COMMD10: variants seen among roughly 807,000 people sequenced by gnomAD.
The protein encoded by COMMD10 is COMM domain-containing protein 10.
COMMD10 carries 33 observed loss-of-function variants against 28.9 expected under a neutral mutation model. That is an observed-to-expected ratio of 1.14 (90% confidence interval 0.87 to 1.53). COMMD10 has a LOEUF of 1.53. COMMD10 is among the 40% of genes most tolerant of loss of function. The probability of loss-of-function intolerance (pLI) is 0.00; values close to 1 mark genes in which losing one functional copy is unlikely to be tolerated. For synonymous variants in COMMD10, 110 were observed against 81.7 expected (o/e 1.35, Z -1.87); for missense variants, 310 against 233.4 (o/e 1.33, Z -2.14).
At chr5:116,109,366 C>T (rs1265475103) in intron 4 of COMMD10, among the ~76,000 whole-genome samples, 1 of 152,136 alleles carries the variant, frequency 6.6e-6, no homozygotes, top group African/African-American at 2.4e-5. Context: ...GGTGGATCAC[C>T]ACTCCTGGGT....
intron 4 of COMMD10, among the ~76,000 whole-genome samples, chr5:116,097,469 G>A (rs1476013003): frequency 6.6e-6 from 1 of 152,150 alleles, no homozygotes; most frequent in Non-Finnish European, 1.5e-5. Context: ...AAGTGGCTGA[G>A]TTGGGATTTG....
rs371110549 is a variant in COMMD10 at position 116,212,042 on chromosome 5, C to T, written c.510+77864C>T. On this transcript the variant is annotated intron_variant, in intron 5 of 6. Coordinates refer to ENST00000274458, the MANE Select transcript of COMMD10 (RefSeq NM_016144.4). ...TATATGTAAACTACTTGCCATGGTG[C>T]CCTGTACACATCATACACAGTAAAC... Among the ~76,000 whole-genome samples, 7 of 152,160 alleles carry T rather than the reference C, an allele frequency of 4.6e-5. No individual in the cohort carries two copies. In the East Asian group the frequency reaches 5.8e-4, roughly 13 times the overall value.
chr5:116,243,020 A>C (rs1396873737), intron 5 of COMMD10, among the ~76,000 whole-genome samples: 2 of 152,132 alleles, frequency 1.3e-5, no homozygotes, highest in Non-Finnish European at 2.9e-5. Context: ...GTTTCCTTTG[A>C]TCCTGTTTTT....
At chr5:116,152,006 T>G (rs1429398697) in intron 5 of COMMD10, among the ~76,000 whole-genome samples, 1 of 152,206 alleles carries the variant, frequency 6.6e-6, no homozygotes, top group Non-Finnish European at 1.5e-5. Context: ...TGCTATAAAT[T>G]TCCCTCTACA....
At position 116,091,174 on chromosome 5, in the gene COMMD10, A is replaced by G; in HGVS notation, c.228A>G (p.Ser76=). ...QDLHLVLETI[S]FILEQAVYHN... is the part of the protein sequence containing the mutation. ...TTCACCTAGTTCTTGAAACAATATC[A>G]TTTATTTTAGAACAGGTATTTTTAT... is the stretch of plus-strand genomic sequence containing the variant. The change falls in exon 3 of 7, where the codon TCA becomes TCG. Residue 76 remains serine (S), a synonymous_variant. Coordinates refer to ENST00000274458, the MANE Select transcript of COMMD10 (RefSeq NM_016144.4). 1.3e-6 allele frequency: 2 copies of G among 1,594,044 alleles called. No homozygotes were observed. The highest frequency in any genetic ancestry group is 1.7e-6 in the Non-Finnish European group (2 of 1,164,618).
At chr5:116,121,958 T>G (rs1751449373) in intron 4 of COMMD10, among the ~76,000 whole-genome samples, 1 of 152,244 alleles carries the variant, frequency 6.6e-6, no homozygotes, top group Non-Finnish European at 1.5e-5. Flanking sequence ...TGGTAGTTTC[T>G]TTTGTCATGC....
At chr5:116,258,405 G>A (rs1341699464) in intron 5 of COMMD10, among the ~76,000 whole-genome samples, 1 of 150,782 alleles carries the variant, frequency 6.6e-6, no homozygotes, top group African/African-American at 2.5e-5. Context: ...CTACTTTTTG[G>A]ACACTACTAT....
intron 2 of COMMD10, among the ~76,000 whole-genome samples, chr5:116,089,953 C>T (rs144085466): frequency 3.0e-4 from 46 of 152,308 alleles, no homozygotes; most frequent in African/African-American, 1.1e-3. Context: ...CCGACTCCAT[C>T]GAGTTGGCCT....
intron 5 of COMMD10, among the ~76,000 whole-genome samples, chr5:116,153,508 A>G (rs952314946): frequency 6.6e-6 from 1 of 152,134 alleles, no homozygotes; most frequent in Non-Finnish European, 1.5e-5. Flanking sequence ...ATAACACCAT[A>G]TTGAAATGAT....
intron 4 of COMMD10, among the ~76,000 whole-genome samples, chr5:116,122,839 CTT>C (rs1222350201): frequency 2.6e-5 from 4 of 152,172 alleles, no homozygotes; most frequent in African/African-American, 9.7e-5. Flanking sequence ...TATCCTGAGA[CTT>C]TGCTGAAATT....
chr5:116,103,709 G>C (rs964421766), intron 4 of COMMD10, among the ~76,000 whole-genome samples: 1 of 152,114 alleles, frequency 6.6e-6, no homozygotes, highest in Non-Finnish European at 1.5e-5. Context: ...CATTGCTTTT[G>C]GTGTTTTAGT....
chr5:116,159,975 T>A (rs1752862761), intron 5 of COMMD10, among the ~76,000 whole-genome samples: 1 of 152,218 alleles, frequency 6.6e-6, no homozygotes. Flanking sequence ...TTATGACTTT[T>A]CAGGATGGAA....
chr5:116,229,968 A>C (rs7720302), intron 5 of COMMD10, among the ~76,000 whole-genome samples: 144,885 of 151,128 alleles, frequency 0.96, 69,549 homozygotes, highest in East Asian at 1. Context: ...GAGCCCCCCC[A>C]AAAAAAAATC....
intron 5 of COMMD10, among the ~76,000 whole-genome samples, chr5:116,289,101 C>T (rs1238219990): frequency 2.0e-5 from 3 of 151,416 alleles, no homozygotes; most frequent in South Asian, 4.2e-4. Flanking sequence ...ATGCTGGTCT[C>T]GAACTCCTGA....
At chr5:116,172,293 A>G (rs1203948001) in intron 5 of COMMD10, among the ~76,000 whole-genome samples, 1 of 152,132 alleles carries the variant, frequency 6.6e-6, no homozygotes, top group Non-Finnish European at 1.5e-5. Context: ...TGGGAAAGCT[A>G]TTTACACTGC....
chr5:116,128,526 T>A (rs1470425419), intron 4 of COMMD10, among the ~76,000 whole-genome samples: 1 of 106,174 alleles, frequency 9.4e-6, no homozygotes, highest in Non-Finnish European at 2.6e-5. Context: ...GCAAATATAA[T>A]TAGCTAACTT....
chr5:116,142,825 A>G (rs904169454), intron 5 of COMMD10, among the ~76,000 whole-genome samples: 3 of 151,696 alleles, frequency 2.0e-5, no homozygotes, highest in Admixed American at 2.0e-4. Flanking sequence ...AAGCAGTTAG[A>G]GAAAATAGAA....
chr5:116,287,686 A>G (rs1751255360), intron 5 of COMMD10, among the ~76,000 whole-genome samples: 1 of 149,536 alleles, frequency 6.7e-6, no homozygotes. Context: ...TTTTTTTTCT[A>G]GTGGTATGCT....
chr5:116,114,797 G>A (rs1174945804), intron 4 of COMMD10, among the ~76,000 whole-genome samples: 3 of 152,098 alleles, frequency 2.0e-5, no homozygotes, highest in African/African-American at 7.2e-5. Context: ...CCCTTATCCC[G>A]ACTCTTGCAG....
Sources: allele counts gnomAD v4.1 joint callset (sites outside exome capture counted in the v4.1 genomes callset), GRCh38; gene constraint gnomAD v4.1.1; transcripts MANE v1.5; gene names NCBI Gene and HGNC (gene_info 2026-07-23, HGNC 2026-07-21).